Variants in AKAP14 observed in about 807,000 individuals in gnomAD.
The protein encoded by AKAP14 is A-kinase anchor protein 14.
A neutral mutation model predicts 17.0 loss-of-function variants in AKAP14; 4 were observed. That is an observed-to-expected ratio of 0.23 (90% CI 0.12 to 0.54). The LOEUF (loss-of-function observed/expected upper bound fraction) is 0.54, where lower values mean the gene tolerates loss of function less well. Ranked by LOEUF, AKAP14 falls within the 20% of genes least tolerant of loss-of-function variation. The pLI is 0.95. For synonymous variants in AKAP14, 42 were observed against 51.3 expected (o/e 0.82, Z 0.77); for missense variants, 129 against 150.9 (o/e 0.85, Z 0.76).
chrX:119,903,728 C>T (rs1199547439), intron 4 of AKAP14, 142 bp downstream of exon 4: 1 of 1,044,579 alleles, frequency 9.6e-7, no homozygotes, highest in African/African-American at 1.9e-5. Flanking sequence ...ACATCATCTC[C>T]ATCTCAGTTC....
intron 2 of AKAP14, among the ~76,000 whole-genome samples, chrX:119,899,029 T>G (rs2056548150): frequency 2.8e-5 from 3 of 107,221 alleles, no homozygotes. Flanking sequence ...TAGCTGGGCG[T>G]GGTGGCAGGT....
intron 4 of AKAP14, among the ~76,000 whole-genome samples, chrX:119,903,971 T>C (rs891912704): frequency 1.8e-5 from 2 of 110,896 alleles, no homozygotes; most frequent in Admixed American, 9.7e-5. Context: ...AGAGACAGGG[T>C]CCCACTCTGT....
At chrX:119,909,509 C>T (rs1311136665) in intron 4 of AKAP14, among the ~76,000 whole-genome samples, 7 of 97,512 alleles carry the variant, frequency 7.2e-5, no homozygotes, top group African/African-American at 2.7e-4. Context: ...GCCTGGGTGA[C>T]GGAGCAAGAC....
chrX:119,911,582 TAGAG>T (rs1368063372), intron 4 of AKAP14, among the ~76,000 whole-genome samples: 9 of 111,139 alleles, frequency 8.1e-5, no homozygotes, highest in Non-Finnish European at 1.3e-4. Context: ...AAGTAGGTGA[TAGAG>T]AGAAGCTTCT....
chrX:119,910,023 G>A (rs1260511392), intron 4 of AKAP14, among the ~76,000 whole-genome samples: 2 of 111,056 alleles, frequency 1.8e-5, no homozygotes, highest in Non-Finnish European at 3.8e-5. Flanking sequence ...GCCAGGTGTG[G>A]TGGTGCATGC....
At chrX:119,896,660 T>C (rs2056529243) in intron 2 of AKAP14, among the ~76,000 whole-genome samples, 1 of 111,519 alleles carries the variant, frequency 9.0e-6, no homozygotes, top group South Asian at 3.7e-4. Context: ...CTTAAGGAGG[T>C]CCTTCCATGC....
chrX:119,897,228 T>C (rs1183876681), intron 2 of AKAP14, among the ~76,000 whole-genome samples: 10 of 108,899 alleles, frequency 9.2e-5, no homozygotes, highest in East Asian at 8.8e-4. Flanking sequence ...GGTGAGATCT[T>C]GGCTCACTGC....
chrX:119,917,371 T>G (rs1445773355), intron 5 of AKAP14, among the ~76,000 whole-genome samples: 3 of 111,119 alleles, frequency 2.7e-5, no homozygotes, highest in Non-Finnish European at 5.7e-5. Flanking sequence ...CCCAGCACTT[T>G]GGGAGGCCAA....
At chrX:119,912,534 C>CT (rs34639679) in intron 4 of AKAP14, among the ~76,000 whole-genome samples, 19,665 of 99,419 alleles carry the variant, frequency 0.2, 1,689 homozygotes, top group South Asian at 0.3. Flanking sequence ...ATGAATGCTA[C>CT]TTTTTTTTTT....
intron 5 of AKAP14, among the ~76,000 whole-genome samples, chrX:119,918,346 C>T (rs1407326241): frequency 8.9e-6 from 1 of 112,032 alleles, no homozygotes; most frequent in Non-Finnish European, 1.9e-5. Flanking sequence ...ATTCTCCTGC[C>T]TCAGCCTCCT....
At chrX:119,907,952 G>A (rs1339077780) in intron 4 of AKAP14, among the ~76,000 whole-genome samples, 1 of 112,059 alleles carries the variant, frequency 8.9e-6, no homozygotes, top group Non-Finnish European at 1.9e-5. Context: ...TGATTTTAAG[G>A]TACTACAATG....
At chrX:119,912,771 AC>A (rs1353758253) in intron 4 of AKAP14, among the ~76,000 whole-genome samples, 1 of 111,120 alleles carries the variant, frequency 9.0e-6, no homozygotes. Context: ...ACGTTTTCAG[AC>A]CCTCCATGCA....
chrX:119,906,308 C>T (rs1243380368), intron 4 of AKAP14, among the ~76,000 whole-genome samples: 1 of 94,222 alleles, frequency 1.1e-5, no homozygotes, highest in African/African-American at 4.1e-5. Context: ...GATCTTGGCT[C>T]ACTGCACCCT....
chrX:119,913,407 T>A (rs2056639370), intron 4 of AKAP14, among the ~76,000 whole-genome samples: 1 of 112,297 alleles, frequency 8.9e-6, no homozygotes, highest in Admixed American at 9.5e-5. Flanking sequence ...TTTCTAATTA[T>A]TTTCCAATTA....
At chrX:119,899,976 T>A (rs1355116148) in intron 2 of AKAP14, among the ~76,000 whole-genome samples, 4 of 111,763 alleles carry the variant, frequency 3.6e-5, no homozygotes, top group Non-Finnish European at 5.6e-5. Context: ...GTCACCAGGC[T>A]GGAGTGCAGC....
intron 2 of AKAP14, among the ~76,000 whole-genome samples, chrX:119,897,368 C>A (rs990063693): frequency 1.9e-5 from 2 of 107,742 alleles, no homozygotes; most frequent in Admixed American, 1.0e-4. Flanking sequence ...ACTGTGTTAG[C>A]CAGGATGGTC....
chrX:119,908,918 C>A (rs2056612654), intron 4 of AKAP14, among the ~76,000 whole-genome samples: 1 of 111,427 alleles, frequency 9.0e-6, no homozygotes, highest in Admixed American at 9.7e-5. Context: ...CCACTAAGAG[C>A]CAAGCTGAGA....
chrX:119,909,535 T>TA (rs59646125), intron 4 of AKAP14, among the ~76,000 whole-genome samples: 26,775 of 75,286 alleles, frequency 0.36, 3,550 homozygotes, highest in Middle Eastern at 0.47. Flanking sequence ...CTCAAAAACA[T>TA]AAAAAAAAAA....
chrX:119,897,454 C>T lies in AKAP14; in HGVS notation c.-11+1187C>T, dbSNP rs142459013. ...GATTATAGGTGTGAGCCACTGCGCC[C>T]GGCCCAAATGGACAATTTTCTAAAG... On this transcript the variant is annotated intron_variant, in intron 2 of 6. Transcript: ENST00000371431. 4.9e-3 allele frequency among the ~76,000 whole-genome samples: 549 copies of T among 111,967 alleles called. 3 individuals carry two copies. Among genetic ancestry groups the T allele is most frequent in the African/African-American group, 0.017 (515 of 30,872 alleles).
Sources: allele counts gnomAD v4.1 joint callset (sites outside exome capture counted in the v4.1 genomes callset), GRCh38; gene constraint gnomAD v4.1.1; transcripts MANE v1.5; gene names NCBI Gene and HGNC (gene_info 2026-07-23, HGNC 2026-07-21).